Variants in APBB2 observed in about 807,000 individuals in gnomAD.
APBB2 encodes the protein Fe65-like 1.
A neutral mutation model predicts 82.5 loss-of-function variants in APBB2; 38 were observed. The ratio of observed to expected loss-of-function variants is 0.46; its 90% CI spans 0.36 to 0.60. The LOEUF is 0.60. APBB2 is among the 20% of genes least tolerant of loss of function. APBB2 has a pLI of 0.00. For missense variants in APBB2, 772 were observed against 972.3 expected, an observed-to-expected ratio of 0.79 and a Z score of 2.74; for synonymous variants, 341 against 368.2, an observed-to-expected ratio of 0.93 and a Z score of 0.85.
intron 13 of APBB2, 69 bp downstream of exon 13, chr4:40,830,394 C>A (rs1751467070): frequency 9.3e-7 from 1 of 1,075,722 alleles, no homozygotes; most frequent in Non-Finnish European, 1.4e-6. Flanking sequence ...ACTCCCCCGC[C>A]CTTCCACATC....
intron 4 of APBB2, among the ~76,000 whole-genome samples, chr4:41,057,205 C>G (rs966242124): frequency 7.2e-5 from 11 of 152,214 alleles, no homozygotes; most frequent in African/African-American, 2.7e-4. Context: ...AATCCCAGCA[C>G]TTTGGGAGGC....
intron 4 of APBB2, among the ~76,000 whole-genome samples, chr4:41,053,301 T>C (rs1476475711): frequency 1.3e-5 from 2 of 151,944 alleles, no homozygotes; most frequent in African/African-American, 4.8e-5. Flanking sequence ...TTATATTATC[T>C]CCATGATACA....
chr4:41,158,797 C>CCAG (rs777320100), intron 1 of APBB2, among the ~76,000 whole-genome samples: 1 of 152,132 alleles, frequency 6.6e-6, no homozygotes, highest in African/African-American at 2.4e-5. Flanking sequence ...CTACTACATG[C>CCAG]CAGGCCCTTT....
intron 6 of APBB2, among the ~76,000 whole-genome samples, chr4:40,983,843 C>G (rs1799735805): frequency 6.6e-6 from 1 of 152,226 alleles, no homozygotes; most frequent in African/African-American, 2.4e-5. Flanking sequence ...TCCCAAAGTG[C>G]TGGGGATACA....
chr4:40,876,515 C>A (rs890459615), intron 12 of APBB2, among the ~76,000 whole-genome samples: 2 of 152,136 alleles, frequency 1.3e-5, no homozygotes, highest in Non-Finnish European at 2.9e-5. Context: ...AGATTCAGCA[C>A]GTTGCTGTAT....
At chr4:40,896,993 C>T (rs558149416) in intron 10 of APBB2, among the ~76,000 whole-genome samples, 1 of 152,308 alleles carries the variant, frequency 6.6e-6, no homozygotes, top group South Asian at 2.1e-4. Context: ...AATGCGTTTT[C>T]CCACTGTCTC....
chr4:40,943,774 C>T (rs1044987164), intron 7 of APBB2, among the ~76,000 whole-genome samples: 3 of 152,216 alleles, frequency 2.0e-5, no homozygotes, highest in Non-Finnish European at 2.9e-5. Flanking sequence ...ATGACCACGG[C>T]ATGGCACAGG....
chr4:41,016,783 G>A (rs1489097139), intron 5 of APBB2, among the ~76,000 whole-genome samples: 2 of 151,952 alleles, frequency 1.3e-5, no homozygotes, highest in Non-Finnish European at 2.9e-5. Flanking sequence ...GGGGTAAGAG[G>A]CTGAATAGAA....
chr4:40,898,571 A>G (rs1774356356), intron 10 of APBB2, among the ~76,000 whole-genome samples: 1 of 151,986 alleles, frequency 6.6e-6, no homozygotes, highest in South Asian at 2.1e-4. Flanking sequence ...GGCTTTTATT[A>G]TTATTATTGA....
intron 10 of APBB2, among the ~76,000 whole-genome samples, chr4:40,921,307 C>A (rs1023632015): frequency 6.6e-6 from 1 of 152,126 alleles, no homozygotes; most frequent in African/African-American, 2.4e-5. Flanking sequence ...TTCAGTTCAC[C>A]CACATAATAT....
intron 2 of APBB2, among the ~76,000 whole-genome samples, chr4:41,120,674 C>T (rs1365649009): frequency 6.6e-6 from 1 of 152,052 alleles, no homozygotes; most frequent in African/African-American, 2.4e-5. Flanking sequence ...TGGCCAGATT[C>T]CAGAAAAAGT....
chr4:40,988,129 C>G (rs931436258), intron 6 of APBB2, among the ~76,000 whole-genome samples: 1 of 152,148 alleles, frequency 6.6e-6, no homozygotes, highest in Non-Finnish European at 1.5e-5. Context: ...AGTGACTATG[C>G]CCCAAGGATA....
At chr4:41,147,019 T>G (rs1760964571) in intron 1 of APBB2, among the ~76,000 whole-genome samples, 1 of 152,168 alleles carries the variant, frequency 6.6e-6, no homozygotes, top group South Asian at 2.1e-4. Context: ...CTACCATATA[T>G]TCCCGTGACG....
At chr4:41,027,106 C>G (rs780687663) in intron 5 of APBB2, among the ~76,000 whole-genome samples, 46 of 151,978 alleles carry the variant, frequency 3.0e-4, no homozygotes, top group Non-Finnish European at 2.8e-4. Context: ...TTTAGTTGGT[C>G]AGGGAGATGG....
intron 4 of APBB2, among the ~76,000 whole-genome samples, chr4:41,048,445 T>C (rs1261885695): frequency 1.3e-5 from 2 of 152,212 alleles, no homozygotes; most frequent in African/African-American, 4.8e-5. Context: ...TCATATATAT[T>C]AACCACTTCA....
intron 1 of APBB2, among the ~76,000 whole-genome samples, chr4:41,155,234 G>A (rs6447668): frequency 6.6e-6 from 1 of 151,974 alleles, no homozygotes; most frequent in Non-Finnish European, 1.5e-5. Context: ...TTCTTATTTG[G>A]AACTGTTTTT....
intron 6 of APBB2, among the ~76,000 whole-genome samples, chr4:40,998,635 G>C (rs1353160672): frequency 6.6e-6 from 1 of 152,144 alleles, no homozygotes; most frequent in African/African-American, 2.4e-5. Context: ...AGGCAGATAA[G>C]CAAATTCAGC....
At chr4:41,032,250 C>A in intron 5 of APBB2, among the ~76,000 whole-genome samples, 1 of 152,010 alleles carries the variant, frequency 6.6e-6, no homozygotes, top group Non-Finnish European at 1.5e-5. Context: ...GCAATATGTG[C>A]CCTAATAAAT....
intron 10 of APBB2, among the ~76,000 whole-genome samples, chr4:40,925,513 A>T (rs1395041565): frequency 1.3e-5 from 2 of 152,160 alleles, no homozygotes; most frequent in Non-Finnish European, 2.9e-5. Flanking sequence ...ACCATACATT[A>T]AGTATGTATG....
Sources: allele counts gnomAD v4.1 joint callset (sites outside exome capture counted in the v4.1 genomes callset), GRCh38; gene constraint gnomAD v4.1.1; transcripts MANE v1.5; gene names NCBI Gene and HGNC (gene_info 2026-07-23, HGNC 2026-07-21).